ADGRG1: variants seen among roughly 807,000 people sequenced by gnomAD.
ADGRG1 encodes adhesion G protein-coupled receptor G1.
Under a neutral mutation model 73.5 loss-of-function variants are expected in ADGRG1, and 53 were observed. That is an observed-to-expected ratio of 0.72 (90% CI 0.58 to 0.91). The LOEUF is 0.91. Among genes scored for constraint, ADGRG1 ranks in the 40% least tolerant of loss-of-function variants. The pLI is 0.00. For missense variants in ADGRG1, 795 were observed against 871.8 expected, an observed-to-expected ratio of 0.91 and a Z score of 1.11; for synonymous variants, 394 against 374.4, an observed-to-expected ratio of 1.05 and a Z score of -0.60.
chr16:57,628,615 G>A (rs1260437327), upstream of ADGRG1: 35 of 985,466 alleles, frequency 3.6e-5, no homozygotes, highest in Middle Eastern at 5.2e-4. Context: ...AAACAAACCC[G>A]GTCCCTCCCT....
intron 1 of ADGRG1, chr16:57,637,327 T>G (rs1202065245): frequency 1.0e-6 from 1 of 985,220 alleles, no homozygotes; most frequent in Non-Finnish European, 1.2e-6. Flanking sequence ...GCTATTGCAG[T>G]TATTTTTATT....
At chr16:57,633,705 C>G (rs149045664) in intron 1 of ADGRG1, among the ~76,000 whole-genome samples, 2 of 152,208 alleles carry the variant, frequency 1.3e-5, no homozygotes, top group African/African-American at 4.8e-5. Flanking sequence ...ATTTTAAGTG[C>G]TGAGTGCAGG....
At chr16:57,658,320 A>G (rs2046252744) in intron 10 of ADGRG1, among the ~76,000 whole-genome samples, 1 of 152,196 alleles carries the variant, frequency 6.6e-6, no homozygotes, top group Admixed American at 6.5e-5. Context: ...AGGAACACTC[A>G]GAGAGGGTAA....
In ADGRG1 at chr16:57,650,185, TC is replaced by T. The variant is rs1193832686; in HGVS notation, c.-35-67del. 110 of 1,571,694 alleles carry T rather than the reference TC, an allele frequency of 7.0e-5. 1 individual carries two copies. In the Admixed American group the frequency reaches 1.9e-3, roughly 27 times the overall value. On this transcript the variant is annotated intron_variant, in intron 1 of 13. Transcript: ENST00000562631. ...CCACATCCATGCCACACTGGCCTCCTCTTCTGCAGGGCCAGCCCAACCACCA... is the reference window on the plus strand; with the variant it reads ...CCACATCCATGCCACACTGGCCTCCTTTCTGCAGGGCCAGCCCAACCACCA...
At position 57,664,214 on chromosome 16, in the gene ADGRG1, CCT is replaced by C. The variant is rs2047895647; in HGVS notation, c.*634_*635del. The C allele has an allele frequency of 6.5e-6, 1 of 153,630 alleles. No homozygotes were observed. Among genetic ancestry groups the C allele is most frequent in the Non-Finnish European group, 1.4e-5 (1 of 69,076 alleles). The allele number at this position is 153,630 out of a possible 1,614,324, so 9.5% of individuals were successfully genotyped here. A position where few individuals can be genotyped will look rare whatever the true frequency, so the allele number is the denominator to read the frequency against. On this transcript the variant is annotated 3_prime_UTR_variant, in exon 14 of 14. Transcript: ENST00000562631. Reference sequence around the variant, plus strand: ...CTCCCTCCATCTTCCCTGGGGTTCTCCTCCTCTCCCAGGGCCTCCTTGCTCCT... The same window carrying C: ...CTCCCTCCATCTTCCCTGGGGTTCTCCCTCTCCCAGGGCCTCCTTGCTCCT...
chr16:57,644,982 C>A (rs1597358973), intron 1 of ADGRG1: 3 of 752,684 alleles, frequency 4.0e-6, no homozygotes, highest in Non-Finnish European at 3.2e-6. Flanking sequence ...GCACACACCC[C>A]CATGCACACA....
chr16:57,660,939 G>T, intron 12 of ADGRG1, 63 bp downstream of exon 12: 1 of 995,964 alleles, frequency 1.0e-6, no homozygotes. Context: ...CCAGAGTGCA[G>T]CCCGGGCCCA....
chr16:57,653,466 T>G (rs1475325517), intron 4 of ADGRG1, 131 bp downstream of exon 4: 1 of 1,500,602 alleles, frequency 6.7e-7, no homozygotes, highest in Non-Finnish European at 8.9e-7. Flanking sequence ...TTGATTTCTC[T>G]TTCTGCCTTC....
chr16:57,623,257 G>A, upstream of ADGRG1: 1 of 984,620 alleles, frequency 1.0e-6, no homozygotes, highest in Non-Finnish European at 1.2e-6. Flanking sequence ...GTGGATAGAG[G>A]CCAGTGCTGC....
rs61744444 is a variant in ADGRG1 at position 57,655,960 on chromosome 16, G to A, written c.985G>A (p.Val329Met). 130 of 1,613,944 alleles carry A rather than the reference G, an allele frequency of 8.1e-5. No individual in the cohort carries two copies. The highest frequency in any genetic ancestry group is 4.0e-4 in the Admixed American group (24 of 60,000). ...CAAAGTAGCCAACCTCACGGAGCCC[G>A]TGGTGCTCACTTTCCAGCACCAGCT... The part of the protein sequence containing the change: ...NTKVANLTEP[V>M]VLTFQHQLQP... The change falls in exon 7 of 14, where the codon GTG becomes ATG. Residue 329 changes from valine to methionine, a missense_variant. Val to Met is a conservative substitution (Grantham distance 21, BLOSUM62 1). Transcript: ENST00000562631.
rs1421451258 is a variant in ADGRG1 at position 57,659,404 on chromosome 16, G to C, written c.1287-9G>C. On this transcript the variant is annotated splice_polypyrimidine_tract_variant and intron_variant, in intron 10 of 13. Coordinates refer to ENST00000562631, the MANE Select transcript of ADGRG1 (RefSeq NM_201525.4). Reference sequence around the variant, plus strand: ...CACACTGGCCCACCAGGGTGCCCCTGCCGTGCAGGAGGAAACCTCGGGACT... The same window carrying C: ...CACACTGGCCCACCAGGGTGCCCCTCCCGTGCAGGAGGAAACCTCGGGACT... The C allele has an allele frequency of 6.2e-7, 1 of 1,613,500 alleles. No individual in the cohort carries two copies. The highest frequency in any genetic ancestry group is 8.5e-7 in the Non-Finnish European group (1 of 1,180,002).
intron 1 of ADGRG1, among the ~76,000 whole-genome samples, chr16:57,649,407 T>G (rs1268800503): frequency 6.6e-6 from 1 of 152,000 alleles, no homozygotes; most frequent in East Asian, 1.9e-4. Flanking sequence ...AGGAGGCTAC[T>G]GGGGGTGGGG....
At chr16:57,645,502 T>C (rs1160754248) in intron 1 of ADGRG1, 3 of 229,466 alleles carry the variant, frequency 1.3e-5, no homozygotes, top group Non-Finnish European at 1.4e-5. Flanking sequence ...GGGAAGAGAG[T>C]GCTGGAACGC....
At chr16:57,643,278 GATGACT>G (rs2041308317) in intron 1 of ADGRG1, 1 of 152,298 alleles carries the variant, frequency 6.6e-6, no homozygotes, top group African/African-American at 2.4e-5. Flanking sequence ...TTCCTGGCTG[GATGACT>G]ATATGTTGGC....
intron 1 of ADGRG1, among the ~76,000 whole-genome samples, chr16:57,644,796 GCA>G (rs2042057924): frequency 1.5e-5 from 2 of 137,832 alleles, no homozygotes; most frequent in South Asian, 2.4e-4. Context: ...TCATGCATGG[GCA>G]CACACTCATC....
chr16:57,626,953 C>T, upstream of ADGRG1: 1 of 985,584 alleles, frequency 1.0e-6, no homozygotes, highest in Middle Eastern at 5.2e-4. Flanking sequence ...TAAGGGAGTT[C>T]CCACTGCAGC....
chr16:57,647,730 G>A (rs1314297614), intron 1 of ADGRG1: 1 of 949,814 alleles, frequency 1.1e-6, no homozygotes, highest in Non-Finnish European at 1.3e-6. Flanking sequence ...TGGAGCCAGG[G>A]CTGTCCACCT....
At chr16:57,628,871 A>AGTATGAGTGT (rs1381871521) in intron 1 of ADGRG1, 69 bp downstream of exon 1, 1 of 973,484 alleles carries the variant, frequency 1.0e-6, no homozygotes, top group African/African-American at 1.9e-5. Context: ...TGAGTGTGTG[A>AGTATGAGTGT]GCGTGAGTGT....
rs966289586 is a variant in ADGRG1 at position 57,646,416 on chromosome 16, G to C, written c.-35-3837G>C. 3 of 985,492 alleles carry C rather than the reference G, an allele frequency of 3.0e-6. No homozygotes were observed. The East Asian group carries it at 3.4e-4, about 112-fold the overall frequency. The allele number at this position is 985,492 out of a possible 1,614,324, so 61.0% of individuals were successfully genotyped here. A position where few individuals can be genotyped will look rare whatever the true frequency, so the allele number is the denominator to read the frequency against. Reference sequence around the variant, plus strand: ...AACCCTGGCCACCTTCCACTCTGCTGGATCCTTGGGGAACCCCATGATGTG... The same window carrying C: ...AACCCTGGCCACCTTCCACTCTGCTCGATCCTTGGGGAACCCCATGATGTG... On this transcript the variant is annotated intron_variant, in intron 1 of 13. Transcript: ENST00000562631.
Sources: allele counts gnomAD v4.1 joint callset (sites outside exome capture counted in the v4.1 genomes callset), GRCh38; gene constraint gnomAD v4.1.1; transcripts MANE v1.5; gene names NCBI Gene and HGNC (gene_info 2026-07-23, HGNC 2026-07-21).